The following CTNNA3 variants were observed in gnomAD, a reference collection of about 807,000 sequenced individuals.
CTNNA3 encodes catenin alpha-3.
Under a neutral mutation model 95.7 loss-of-function variants are expected in CTNNA3, and 76 were observed. The ratio of observed to expected loss-of-function variants is 0.79; its 90% CI spans 0.66 to 0.96. CTNNA3 has a LOEUF of 0.96. Ranked by LOEUF, CTNNA3 falls within the 40% of genes least tolerant of loss-of-function variation. CTNNA3 has a pLI of 0.00. For synonymous variants in CTNNA3, 431 were observed against 374.4 expected, an observed-to-expected ratio of 1.15 and a Z score of -1.74; for missense variants, 1,191 against 1,089.8, an observed-to-expected ratio of 1.09 and a Z score of -1.31.
intron 12 of CTNNA3, among the ~76,000 whole-genome samples, chr10:66,333,222 A>G (rs1015564085): frequency 2.0e-5 from 3 of 151,664 alleles, no homozygotes; most frequent in African/African-American, 7.3e-5. Flanking sequence ...TTGTGTCTCT[A>G]TCTACTTCAG....
At chr10:67,448,714 G>C (rs1300186020) in intron 5 of CTNNA3, among the ~76,000 whole-genome samples, 2 of 151,014 alleles carry the variant, frequency 1.3e-5, no homozygotes, top group African/African-American at 4.8e-5. Flanking sequence ...GATTCTTTAA[G>C]ATTGAATTAA....
At chr10:66,940,300 G>A (rs1847931710) in intron 7 of CTNNA3, among the ~76,000 whole-genome samples, 1 of 152,040 alleles carries the variant, frequency 6.6e-6, no homozygotes, top group African/African-American at 2.4e-5. Context: ...CTCAAGACCA[G>A]TCTGGAAACA....
intron 1 of CTNNA3, among the ~76,000 whole-genome samples, chr10:67,745,966 G>A (rs147679903): frequency 0.013 from 1,981 of 152,260 alleles, 17 homozygotes; most frequent in Middle Eastern, 0.037. Flanking sequence ...TCATGGATTG[G>A]AAGAAATAAT....
intron 2 of CTNNA3, among the ~76,000 whole-genome samples, chr10:67,615,450 A>C (rs1450699210): frequency 7.9e-5 from 12 of 152,214 alleles, no homozygotes; most frequent in Non-Finnish European, 1.5e-5. Context: ...TGCTGAGAAT[A>C]ATACCAAATT....
At chr10:66,972,700 A>ATTTT (rs56664927) in intron 7 of CTNNA3, among the ~76,000 whole-genome samples, 83 of 108,644 alleles carry the variant, frequency 7.6e-4, no homozygotes, top group African/African-American at 2.7e-3. Flanking sequence ...TGTCAAATAG[A>ATTTT]TTTTTTTTTT....
chr10:66,668,013 A>C (rs1846518179), intron 9 of CTNNA3, among the ~76,000 whole-genome samples: 1 of 152,200 alleles, frequency 6.6e-6, no homozygotes, highest in Non-Finnish European at 1.5e-5. Flanking sequence ...ACTCACTATC[A>C]AATCAGATTG....
rs138854825 is a variant in CTNNA3 at position 66,214,010 on chromosome 10, C to T, written c.1884+66460G>A. 6.3e-3 allele frequency among the ~76,000 whole-genome samples: 962 copies of T among 152,230 alleles called. 10 individuals carry two copies. Among genetic ancestry groups the T allele is most frequent in the African/African-American group, 0.022 (897 of 41,548 alleles). ...GTAGCCAAAAACATTGTAAAGAGCA[C>T]TGGAGGCTGTGTAATTTTGAAAGGA... On this transcript the variant is annotated intron_variant, in intron 13 of 17. Transcript: ENST00000433211.
At chr10:67,145,664 C>T (rs553895919) in intron 7 of CTNNA3, among the ~76,000 whole-genome samples, 2 of 151,912 alleles carry the variant, frequency 1.3e-5, no homozygotes, top group South Asian at 2.1e-4. Context: ...CTCCTGACCT[C>T]GTGATCCACC....
chr10:67,398,181 A>G (rs751800482), intron 5 of CTNNA3, among the ~76,000 whole-genome samples: 34 of 152,348 alleles, frequency 2.2e-4, no homozygotes, highest in Admixed American at 7.8e-4. Context: ...CAGACACTCA[A>G]TGCCAGCCAG....
rs1047298666 is a variant in CTNNA3, at chr10:66,694,884, G to C, written c.1281+71380C>G. ...ATTTTTAAATTTGGTATTTCCTCTT[G>C]TGCCTCCTCAGAAATTATACTAAAT... On this transcript the variant is annotated intron_variant, in intron 9 of 17. Transcript: ENST00000433211. Among the ~76,000 whole-genome samples, 13 of 152,052 alleles carry C rather than the reference G, an allele frequency of 8.5e-5. 1 individual carries two copies. Among genetic ancestry groups the C allele is most frequent in the Non-Finnish European group, 1.8e-4 (12 of 68,010 alleles).
chr10:66,405,722 G>A (rs970074958), intron 11 of CTNNA3, among the ~76,000 whole-genome samples: 2 of 152,094 alleles, frequency 1.3e-5, no homozygotes, highest in African/African-American at 4.8e-5. Context: ...TAATGTACTT[G>A]ACTCAGATGT....
At chr10:65,950,123 G>A (rs1009928923) in intron 17 of CTNNA3, among the ~76,000 whole-genome samples, 1 of 151,834 alleles carries the variant, frequency 6.6e-6, no homozygotes. Context: ...GTAATCAAAA[G>A]GGAAAATATG....
At chr10:66,581,628 G>C (rs1370264106) in intron 10 of CTNNA3, among the ~76,000 whole-genome samples, 1 of 151,362 alleles carries the variant, frequency 6.6e-6, no homozygotes, top group Admixed American at 6.6e-5. Context: ...TATTTATTTT[G>C]CTGTGAAGAA....
chr10:66,013,995 C>G (rs755246480), intron 15 of CTNNA3, among the ~76,000 whole-genome samples: 4 of 152,132 alleles, frequency 2.6e-5, no homozygotes, highest in Non-Finnish European at 5.9e-5. Flanking sequence ...TCAACATTCT[C>G]CTGAAATTTC....
Position 67,637,008 on chromosome 10 carries a change from C to A in CTNNA3, c.99+10407G>T, listed in dbSNP as rs191177365. On this transcript the variant is annotated intron_variant, in intron 2 of 17. Transcript: ENST00000433211. ...CCTCACTAGCAACGTAACAAAGCTG[C>A]ATGGAGAATGACTTTGATGAGTTGA... Among the ~76,000 whole-genome samples, 1,440 of 152,232 alleles carry A rather than the reference C, an allele frequency of 9.5e-3. 18 individuals are homozygous for A. Among genetic ancestry groups the A allele is most frequent in the Admixed American group, 0.022 (335 of 15,284 alleles).
At chr10:66,686,424 C>T (rs1335064244) in intron 9 of CTNNA3, among the ~76,000 whole-genome samples, 2 of 152,226 alleles carry the variant, frequency 1.3e-5, no homozygotes, top group Non-Finnish European at 2.9e-5. Context: ...GATTGCACTA[C>T]TGCACCTCTG....
chr10:66,987,614 T>C (rs546522188), intron 7 of CTNNA3, among the ~76,000 whole-genome samples: 11 of 152,330 alleles, frequency 7.2e-5, no homozygotes, highest in South Asian at 6.2e-4. Flanking sequence ...CCAAGAATCA[T>C]TGAGGAAATG....
chr10:65,959,391 C>T (rs2133234583), intron 17 of CTNNA3, among the ~76,000 whole-genome samples: 1 of 152,264 alleles, frequency 6.6e-6, no homozygotes, highest in Admixed American at 6.5e-5. Flanking sequence ...ATGGGCTGTA[C>T]CCACTGTCCA....
rs964191137 is a variant in CTNNA3, at chr10:67,280,797, T to C, written c.580-60927A>G. ...ATTTACAATCCCTCAAAATTGCCTA[T>C]ATTTCCTCCATTTCCCTCCCCCAAT... On this transcript the variant is annotated intron_variant, in intron 5 of 17. Transcript: ENST00000433211. Among the ~76,000 whole-genome samples the C allele has an allele frequency of 2.7e-4, 41 of 152,300 alleles. 1 individual carries two copies. Among genetic ancestry groups the C allele is most frequent in the African/African-American group, 9.9e-4 (41 of 41,582 alleles).
Sources: allele counts gnomAD v4.1 joint callset (sites outside exome capture counted in the v4.1 genomes callset), GRCh38; gene constraint gnomAD v4.1.1; transcripts MANE v1.5; gene names NCBI Gene and HGNC (gene_info 2026-07-23, HGNC 2026-07-21).